Variants in TSPEAR observed in about 807,000 individuals in gnomAD.
TSPEAR encodes thrombospondin type laminin G domain and EAR repeats.
Under a neutral mutation model 71.6 loss-of-function variants are expected in TSPEAR, and 69 were observed. The ratio of observed to expected loss-of-function variants is 0.96; its 90% CI spans 0.79 to 1.18. The LOEUF is 1.18. Among genes scored for constraint, TSPEAR ranks in the 50% most tolerant of loss-of-function variants. The pLI, the probability that TSPEAR is intolerant of heterozygous loss-of-function variation, is 0.00. For missense variants in TSPEAR, 971 were observed against 894.9 expected (o/e 1.09, Z -1.09); for synonymous variants, 402 against 387.2 (o/e 1.04, Z -0.45).
intron 1 of TSPEAR, among the ~76,000 whole-genome samples, chr21:44,707,833 C>T (rs1555952773): frequency 1.3e-5 from 2 of 152,212 alleles, no homozygotes; most frequent in Non-Finnish European, 2.9e-5. Context: ...AGTAAATAAA[C>T]ATGATAGAAA....
At chr21:44,700,244 C>T (rs1196311724) in intron 1 of TSPEAR, among the ~76,000 whole-genome samples, 2 of 152,222 alleles carry the variant, frequency 1.3e-5, no homozygotes, top group African/African-American at 4.8e-5. Flanking sequence ...AGGGTTCCAC[C>T]ACCAGGAAGG....
intron 1 of TSPEAR, among the ~76,000 whole-genome samples, chr21:44,707,434 C>T (rs566403398): frequency 6.6e-6 from 1 of 152,330 alleles, no homozygotes; most frequent in Admixed American, 6.5e-5. Context: ...GAACCTAGTC[C>T]AGACCCGTCG....
At position 44,531,086 on chromosome 21, in the gene TSPEAR, C is replaced by T. The variant is rs782501523; in HGVS notation, c.590G>A (p.Arg197Gln). Residue 197 changes from arginine (R) to glutamine (Q), a missense_variant, in exon 4 of 12, where the codon CGA (arginine) becomes CAA (glutamine). Transcript: ENST00000323084. Reference sequence around the variant, plus strand: ...TCTCCTCCGGCTGCCGACGAAGAATCGAGCTCCTTTCACTGACAGGGTGGC... The same window carrying T: ...TCTCCTCCGGCTGCCGACGAAGAATTGAGCTCCTTTCACTGACAGGGTGGC... ...FPATLSVKGA[R>Q]FFVGSRRRAK... is the part of the protein sequence containing the mutation. 1.9e-5 allele frequency: 30 copies of T among 1,613,672 alleles called. No individual in the cohort carries two copies. The highest frequency in any genetic ancestry group is 1.6e-4 in the Middle Eastern group (1 of 6,082).
intron 5 of TSPEAR, among the ~76,000 whole-genome samples, chr21:44,529,325 C>T (rs2052920067): frequency 6.6e-6 from 1 of 152,200 alleles, no homozygotes; most frequent in African/African-American, 2.4e-5. Context: ...AGCGGGGAGG[C>T]CCTCTGGGCC....
intron 1 of TSPEAR, chr21:44,600,496 C>A: frequency 8.5e-7 from 1 of 1,170,692 alleles, no homozygotes; most frequent in South Asian, 1.6e-5. Flanking sequence ...TGTTGACACT[C>A]CAGCTGGGAC....
chr21:44,516,631 TACGGTAATGTCAGCCCCCA>T (rs1178648441), intron 9 of TSPEAR: 16 of 152,228 alleles, frequency 1.1e-4, no homozygotes, highest in Admixed American at 3.3e-4. Flanking sequence ...GTCCTGACCT[TACGGTAATGTCAGCCCCCA>T]GAGCCAGGGG....
chr21:44,524,809 TAGAC>T (rs1450099320), intron 8 of TSPEAR, among the ~76,000 whole-genome samples: 3 of 151,162 alleles, frequency 2.0e-5, no homozygotes, highest in African/African-American at 4.9e-5. Flanking sequence ...GTCATTCAGA[TAGAC>T]AGTCAGGTAG....
chr21:44,675,327 T>C (rs1267056507), intron 1 of TSPEAR, among the ~76,000 whole-genome samples: 2 of 152,102 alleles, frequency 1.3e-5, no homozygotes, highest in African/African-American at 4.8e-5. Flanking sequence ...ACAGAAAGTA[T>C]ATGAGCATCT....
chr21:44,590,364 T>C (rs233295), intron 1 of TSPEAR, among the ~76,000 whole-genome samples: 18,144 of 151,318 alleles, frequency 0.12, 1,623 homozygotes, highest in East Asian at 0.26. Flanking sequence ...GCTGGGGGTG[T>C]GGGGACAGGG....
intron 9 of TSPEAR, among the ~76,000 whole-genome samples, chr21:44,512,068 A>G (rs1281695819): frequency 6.6e-6 from 1 of 152,198 alleles, no homozygotes; most frequent in Admixed American, 6.5e-5. Flanking sequence ...AGCAGGAAGC[A>G]GGGAAGGGTA....
At chr21:44,632,015 G>A (rs1274843035) in intron 1 of TSPEAR, among the ~76,000 whole-genome samples, 1 of 152,146 alleles carries the variant, frequency 6.6e-6, no homozygotes, top group East Asian at 1.9e-4. Context: ...TGACCGCACT[G>A]CATTATGAAT....
chr21:44,701,193 C>T (rs970464688), intron 1 of TSPEAR, among the ~76,000 whole-genome samples: 1 of 152,224 alleles, frequency 6.6e-6, no homozygotes, highest in East Asian at 1.9e-4. Context: ...AGGGACAGCG[C>T]GGAGTGGTCG....
chr21:44,628,229 C>A, intron 1 of TSPEAR: 1 of 679,360 alleles, frequency 1.5e-6, no homozygotes, highest in East Asian at 2.8e-5. Flanking sequence ...CCCGGGCAGG[C>A]GAGCCCTGGC....
intron 1 of TSPEAR, among the ~76,000 whole-genome samples, chr21:44,585,732 T>C (rs1409220168): frequency 6.6e-6 from 1 of 152,176 alleles, no homozygotes; most frequent in Non-Finnish European, 1.5e-5. Context: ...TTCTTCTCCT[T>C]CTCCTTTTTG....
chr21:44,522,000 A>G lies in TSPEAR; in HGVS notation c.1449T>C (p.Ser483=), dbSNP rs782326770. 1.9e-6 allele frequency: 3 copies of G among 1,614,172 alleles called. No individual in the cohort carries two copies. Among genetic ancestry groups the G allele is most frequent in the East Asian group, 2.2e-5 (1 of 44,882 alleles). The change falls in exon 9 of 12, where the codon AGT becomes AGC. Residue 483 remains serine, a synonymous_variant. Transcript: ENST00000323084. ...CCACCAGGAACGAGTAGGGCCCCACACTGAAGAACTCCCAGTCGTAGGCGC... is the reference window on the plus strand; with the variant it reads ...CCACCAGGAACGAGTAGGGCCCCACGCTGAAGAACTCCCAGTCGTAGGCGC... ...TSGAYDWEFF[S]VGPYSFLVVA...
chr21:44,672,039 A>G (rs951728291), intron 1 of TSPEAR, among the ~76,000 whole-genome samples: 2 of 152,198 alleles, frequency 1.3e-5, no homozygotes, highest in Non-Finnish European at 2.9e-5. Flanking sequence ...CTGGAAATGA[A>G]TAATTCAATA....
intron 1 of TSPEAR, among the ~76,000 whole-genome samples, chr21:44,659,002 G>A (rs140981726): frequency 6.6e-6 from 1 of 152,274 alleles, no homozygotes; most frequent in Non-Finnish European, 1.5e-5. Flanking sequence ...CACAAATACA[G>A]AGCAGAGTTC....
At position 44,612,157 on chromosome 21, in the gene TSPEAR, C is replaced by T; in HGVS notation, c.83-44152G>A. 1 of 1,614,114 alleles carries T rather than the reference C, an allele frequency of 6.2e-7. No homozygotes were observed. The highest frequency in any genetic ancestry group is 1.1e-5 in the South Asian group (1 of 91,082). On this transcript the variant is annotated intron_variant, in intron 1 of 11. Coordinates refer to ENST00000323084, the MANE Select transcript of TSPEAR (RefSeq NM_144991.3). This position sits in a 1 kb window ranked among gnomAD's most constrained non-coding sequence, Gnocchi z 4.1. ...TGATTGCTGCATCCACCATGTCTGT[C>T]TGCTCCAGTGACGTGGGCCATGTCA...
chr21:44,646,381 GCA>G, intron 1 of TSPEAR: 1 of 1,542,012 alleles, frequency 6.5e-7, no homozygotes, highest in Non-Finnish European at 8.8e-7. Flanking sequence ...ACAGCCCTGA[GCA>G]CCTCACTCAC....
Sources: allele counts gnomAD v4.1 joint callset (sites outside exome capture counted in the v4.1 genomes callset), GRCh38; gene constraint gnomAD v4.1.1; non-coding constraint Gnocchi (gnomAD v3.1); transcripts MANE v1.5; gene names NCBI Gene and HGNC (gene_info 2026-07-23, HGNC 2026-07-21).